ELP1: variants seen among roughly 807,000 people sequenced by gnomAD.
ELP1 encodes elongator complex protein 1.
ELP1 carries 131 observed loss-of-function variants against 183.2 expected under a neutral mutation model. That is an observed-to-expected ratio of 0.72 (90% confidence interval 0.62 to 0.83). ELP1 has a LOEUF of 0.83. Among genes scored for constraint, ELP1 ranks in the 40% least tolerant of loss-of-function variants. ELP1 has a pLI of 0.00. For missense variants in ELP1, 1,550 were observed against 1,594.9 expected, an observed-to-expected ratio of 0.97 and a Z score of 0.48; for synonymous variants, 555 against 569.0, an observed-to-expected ratio of 0.98 and a Z score of 0.35.
chr9:108,895,624 T>C (rs1157063807), intron 25 of ELP1, among the ~76,000 whole-genome samples: 1 of 152,172 alleles, frequency 6.6e-6, no homozygotes, highest in Non-Finnish European at 1.5e-5. Flanking sequence ...TATTATGGCT[T>C]CTGAATTATA....
At chr9:108,884,633 C>G (rs1828056680) in intron 29 of ELP1, among the ~76,000 whole-genome samples, 1 of 152,036 alleles carries the variant, frequency 6.6e-6, no homozygotes, top group African/African-American at 2.4e-5. Context: ...TCTAAATAAG[C>G]CAAGGTTCAA....
rs372907186 is a variant in ELP1, at chr9:108,882,203, G to A, written c.3223-16C>T. 6.2e-7 allele frequency: 1 copy of A among 1,610,538 alleles called. No individual in the cohort carries two copies. Among genetic ancestry groups the A allele is most frequent in the African/African-American group, 1.3e-5 (1 of 74,998 alleles). On this transcript the variant is annotated splice_polypyrimidine_tract_variant and intron_variant, in intron 29 of 36. Coordinates refer to ENST00000374647, the MANE Select transcript of ELP1 (RefSeq NM_003640.5). ...CTTCATAATCCTGACAAGGGAACAGGAAGAAGACAACAAGTGAAGAGAGCA... is the reference window on the plus strand; with the variant it reads ...CTTCATAATCCTGACAAGGGAACAGAAAGAAGACAACAAGTGAAGAGAGCA...
chr9:108,897,844 T>C (rs1174680014), intron 22 of ELP1, among the ~76,000 whole-genome samples: 1 of 152,184 alleles, frequency 6.6e-6, no homozygotes, highest in Non-Finnish European at 1.5e-5. Context: ...TTACATGAAG[T>C]GTACATTTGC....
At chr9:108,905,868 TACACAC>T (rs35044796) in intron 14 of ELP1, among the ~76,000 whole-genome samples, 2,804 of 148,024 alleles carry the variant, frequency 0.019, 29 homozygotes, top group Non-Finnish European at 0.028. Flanking sequence ...AAGGTATGTA[TACACAC>T]ACACACACAC....
chr9:108,917,889 T>C (rs142355345), intron 8 of ELP1, among the ~76,000 whole-genome samples: 13 of 152,230 alleles, frequency 8.5e-5, no homozygotes, highest in African/African-American at 2.9e-4. Context: ...AAGAGTGCCT[T>C]TTCCTGTTTT....
At chr9:108,910,899 A>C in intron 12 of ELP1, 111 bp downstream of exon 12, 1 of 935,268 alleles carries the variant, frequency 1.1e-6, no homozygotes, top group South Asian at 1.3e-5. Context: ...CTGCAGACTT[A>C]AAAATTTTGA....
At chr9:108,887,957 A>T (rs923384509) in intron 29 of ELP1, among the ~76,000 whole-genome samples, 1 of 152,198 alleles carries the variant, frequency 6.6e-6, no homozygotes, top group Non-Finnish European at 1.5e-5. Flanking sequence ...CTGTCCCCAT[A>T]AAGACCTGCA....
At position 108,878,122 on chromosome 9, in the gene ELP1, A is replaced by G. The variant is rs778376709; in HGVS notation, c.3728T>C (p.Leu1243Pro). The part of the protein sequence containing the change: ...KDEVYHILKV[L>P]FLFEFDEQGR... ...TTGTTCATCAAACTCAAAGAGAAAG[A>G]GTACCTTTAAAATATGGTATACTTC... is the stretch of plus-strand genomic sequence containing the variant. The change falls in exon 35 of 37, where the codon CTC becomes CCC. Residue 1243 changes from leucine (L) to proline (P), a missense_variant. Transcript: ENST00000374647. The G allele has an allele frequency of 1.9e-6, 3 of 1,610,946 alleles. No homozygotes were observed. Among genetic ancestry groups the G allele is most frequent in the Non-Finnish European group, 2.5e-6 (3 of 1,177,092 alleles).
chr9:108,869,054 T>A lies in ELP1; in HGVS notation c.*61A>T. On this transcript the variant is annotated 3_prime_UTR_variant, in exon 37 of 37. Transcript: ENST00000374647. ...CCAGCCCTCAAAGAGCAAGGGGTGG[T>A]AGGACAACAGGAATGAGTGGAAATG... The A allele has an allele frequency of 1.4e-6, 2 of 1,426,838 alleles. No homozygotes were observed. Among genetic ancestry groups the A allele is most frequent in the South Asian group, 2.3e-5 (2 of 87,368 alleles). 88.4% of individuals were successfully genotyped at this position (1,426,838 alleles called of 1,614,324 possible).
At position 108,918,953 on chromosome 9, in the gene ELP1, A is replaced by C. The variant is rs1256953115; in HGVS notation, c.650-52T>G. 3 of 1,377,456 alleles carry C rather than the reference A, an allele frequency of 2.2e-6. No individual in the cohort carries two copies. In the Admixed American group the frequency reaches 5.0e-5, roughly 23 times the overall value. The allele number at this position is 1,377,456 out of a possible 1,614,324, so 85.3% of individuals were successfully genotyped here. A position where few individuals can be genotyped will look rare whatever the true frequency, so the allele number is the denominator to read the frequency against. ...ATACACACTTAAAACATTATGATAA[A>C]AGTTGTCAATTCAGAACTATTCAAA... On this transcript the variant is annotated intron_variant, in intron 7 of 36. Coordinates refer to ENST00000374647, the MANE Select transcript of ELP1 (RefSeq NM_003640.5).
chr9:108,892,093 G>A (rs1828362621), intron 27 of ELP1, among the ~76,000 whole-genome samples: 1 of 152,202 alleles, frequency 6.6e-6, no homozygotes, highest in Non-Finnish European at 1.5e-5. Context: ...CTGCCCTTAA[G>A]GAGCCCACAG....
intron 12 of ELP1, 78 bp from the exon 13 acceptor site, chr9:108,908,482 T>C (rs1374989349): frequency 1.1e-5 from 12 of 1,056,964 alleles, no homozygotes; most frequent in Middle Eastern, 2.0e-4. Flanking sequence ...TGTCTGCAAT[T>C]AATGAGTTCT....
At chr9:108,890,814 G>A (rs1277095711) in intron 28 of ELP1, among the ~76,000 whole-genome samples, 6 of 152,182 alleles carry the variant, frequency 3.9e-5, no homozygotes, top group Admixed American at 1.3e-4. Context: ...AATAGAAGGT[G>A]ATAGTTTAAC....
rs1435087122 is a variant in ELP1, at chr9:108,906,359, G to T, written c.1587C>A (p.His529Gln). 6.8e-6 allele frequency: 11 copies of T among 1,613,980 alleles called. No individual in the cohort carries two copies. The highest frequency in any genetic ancestry group is 8.5e-6 in the Non-Finnish European group (10 of 1,179,964). Reference protein sequence around the residue: ...HSEFSPRSVIHHLTAASSEMD... With the variant: ...HSEFSPRSVIQHLTAASSEMD... ...TCTCAGAAGAAGCTGCAGTCAAATGGTGAATGACAGACCGGGGGCTGAACT... is the reference window on the plus strand; with the variant it reads ...TCTCAGAAGAAGCTGCAGTCAAATGTTGAATGACAGACCGGGGGCTGAACT... The change falls in exon 14 of 37, where the codon CAC becomes CAA. Residue 529 changes from histidine to glutamine, a missense_variant. Transcript: ENST00000374647.
chr9:108,911,315 C>A (rs1302647375), intron 11 of ELP1, 135 bp from the exon 12 acceptor site: 1 of 894,424 alleles, frequency 1.1e-6, no homozygotes, highest in South Asian at 1.5e-5. Flanking sequence ...TTCTCAGGAA[C>A]AAGTCTAAAA....
At chr9:108,903,768 G>T in intron 14 of ELP1, 99 bp from the exon 15 acceptor site, 1 of 808,576 alleles carries the variant, frequency 1.2e-6, no homozygotes, top group Non-Finnish European at 2.2e-6. Context: ...TTTTGATGCT[G>T]CACTACCTAC....
Position 108,891,326 on chromosome 9 carries a change from C to G in ELP1, c.3037G>C (p.Gly1013Arg). The G allele has an allele frequency of 6.2e-7, 1 of 1,614,072 alleles. No individual in the cohort carries two copies. The highest frequency in any genetic ancestry group is 1.1e-5 in the South Asian group (1 of 91,084). The stretch of plus-strand genomic sequence containing the variant: ...GCTGAGAGAGCTTTCTCGTGGGCAC[C>G]GCAACGGGCAAACATGAGCCCCGCT... ...EPAGLMFARCGAHEKALSAFL... is the reference protein window; with the variant it reads ...EPAGLMFARCRAHEKALSAFL... The change falls in exon 28 of 37, where the codon GGT becomes CGT. Residue 1013 changes from glycine (G) to arginine (R), a missense_variant. Transcript: ENST00000374647.
At chr9:108,916,128 T>C in intron 10 of ELP1, 76 bp downstream of exon 10, 1 of 1,088,916 alleles carries the variant, frequency 9.2e-7, no homozygotes, top group South Asian at 1.2e-5. Flanking sequence ...GTAGAAGGGA[T>C]GAAGGAAATC....
intron 13 of ELP1, 72 bp downstream of exon 13, chr9:108,908,233 T>A (rs2304779): frequency 4.5e-6 from 5 of 1,103,858 alleles, no homozygotes; most frequent in Non-Finnish European, 5.6e-6. Context: ...AGAACTGTTA[T>A]CAGATGGCTG....
Sources: allele counts gnomAD v4.1 joint callset (sites outside exome capture counted in the v4.1 genomes callset), GRCh38; gene constraint gnomAD v4.1.1; transcripts MANE v1.5; gene names NCBI Gene and HGNC (gene_info 2026-07-23, HGNC 2026-07-21).